The following CAMTA1 variants were observed in gnomAD, a reference collection of about 807,000 sequenced individuals.
The protein encoded by CAMTA1 is calmodulin-binding transcription activator 1.
Under a neutral mutation model 170.9 loss-of-function variants are expected in CAMTA1, and 27 were observed. The ratio of observed to expected loss-of-function variants is 0.16; its 90% CI spans 0.12 to 0.22. CAMTA1 has a LOEUF of 0.22. Among genes scored for constraint, CAMTA1 ranks in the 10% least tolerant of loss-of-function variants. The pLI is 1.00. For missense variants in CAMTA1, 1,619 were observed against 2,217.2 expected, an observed-to-expected ratio of 0.73 and a Z score of 5.42; for synonymous variants, 833 against 891.5, an observed-to-expected ratio of 0.93 and a Z score of 1.17.
chr1:7,085,953 C>T (rs1640684088), intron 3 of CAMTA1, among the ~76,000 whole-genome samples: 1 of 152,204 alleles, frequency 6.6e-6, no homozygotes, highest in Non-Finnish European at 1.5e-5. Flanking sequence ...CCAGGCCTCC[C>T]TTCCTGATGT....
intron 3 of CAMTA1, among the ~76,000 whole-genome samples, chr1:6,961,486 C>T (rs1690400867): frequency 6.6e-6 from 1 of 152,142 alleles, no homozygotes; most frequent in Non-Finnish European, 1.5e-5. Flanking sequence ...GACCACCATG[C>T]GTTCCTGCTG....
At chr1:7,137,234 G>T (rs9434852) in intron 4 of CAMTA1, among the ~76,000 whole-genome samples, 1 of 151,924 alleles carries the variant, frequency 6.6e-6, no homozygotes, top group Non-Finnish European at 1.5e-5. Context: ...CAACTTATTC[G>T]AAACCTTCAC....
At chr1:6,996,278 T>C (rs1164997156) in intron 3 of CAMTA1, among the ~76,000 whole-genome samples, 1 of 152,252 alleles carries the variant, frequency 6.6e-6, no homozygotes, top group Non-Finnish European at 1.5e-5. Context: ...CTGGACCTTG[T>C]GAATGATACG....
At chr1:7,147,101 T>C (rs1646242938) in intron 4 of CAMTA1, among the ~76,000 whole-genome samples, 1 of 151,798 alleles carries the variant, frequency 6.6e-6, no homozygotes, top group Non-Finnish European at 1.5e-5. Flanking sequence ...ATGTACAGCA[T>C]GCACACACAC....
chr1:7,438,367 AG>A (rs2092414064), intron 5 of CAMTA1, among the ~76,000 whole-genome samples: 1 of 152,152 alleles, frequency 6.6e-6, no homozygotes, highest in Non-Finnish European at 1.5e-5. Context: ...TCCTTTGAGA[AG>A]AAGCCAAAGT....
intron 6 of CAMTA1, among the ~76,000 whole-genome samples, chr1:7,636,086 A>G (rs1173491771): frequency 3.3e-5 from 5 of 152,080 alleles, no homozygotes; most frequent in African/African-American, 9.7e-5. Flanking sequence ...GGGCTGGGAC[A>G]CTCTGCTAAT....
intron 3 of CAMTA1, among the ~76,000 whole-genome samples, chr1:6,919,745 G>C (rs1013077163): frequency 3.9e-5 from 6 of 152,212 alleles, no homozygotes; most frequent in African/African-American, 1.4e-4. Context: ...AAGGCAAGGA[G>C]GAGCAAGTCA....
chr1:7,710,359 G>A (rs1341750), intron 11 of CAMTA1, among the ~76,000 whole-genome samples: 140,677 of 152,152 alleles, frequency 0.92, 65,139 homozygotes, highest in East Asian at 1. Flanking sequence ...GCATGTTGGG[G>A]GGTCGAGGCA....
rs562041966 is a variant in CAMTA1, at chr1:7,674,165, C to T, written c.2779+3128C>T. Reference sequence around the variant, plus strand: ...GCAACACAGTTGGCCAATGCCCACCCGTCTCCCAACACACCTGCCCAAGCA... The same window carrying T: ...GCAACACAGTTGGCCAATGCCCACCTGTCTCCCAACACACCTGCCCAAGCA... On this transcript the variant is annotated intron_variant, in intron 10 of 22. Transcript: ENST00000303635. The surrounding 1 kb of genome is among the most constrained non-coding windows in gnomAD (Gnocchi z 4.1). 5.4e-4 allele frequency among the ~76,000 whole-genome samples: 83 copies of T among 152,296 alleles called. No individual in the cohort carries two copies. In the Middle Eastern group the frequency reaches 0.01, roughly 19 times the overall value.
chr1:7,498,199 TG>T (rs2093866020), intron 6 of CAMTA1, among the ~76,000 whole-genome samples: 2 of 151,706 alleles, frequency 1.3e-5, no homozygotes, highest in African/African-American at 4.9e-5. Flanking sequence ...TGAGTGTGTG[TG>T]TGTGTGACAG....
rs1489318004 is a variant in CAMTA1, at chr1:7,249,379, A to C, written c.303-112A>C. The C allele has an allele frequency of 5.6e-6, 6 of 1,072,096 alleles. No homozygotes were observed. The highest frequency in any genetic ancestry group is 8.0e-6 in the Non-Finnish European group (6 of 746,454). 66.4% of individuals were successfully genotyped at this position (1,072,096 alleles called of 1,614,324 possible). A position where few individuals can be genotyped will look rare whatever the true frequency, so the allele number is the denominator to read the frequency against. On this transcript the variant is annotated intron_variant, in intron 4 of 22. Coordinates refer to ENST00000303635, the MANE Select transcript of CAMTA1 (RefSeq NM_015215.4). This position sits in a 1 kb window ranked among gnomAD's most constrained non-coding sequence, Gnocchi z 4.4. ...AAAAGGTGAAAAATTATGTTCCAGC[A>C]AATGTGGAATATTGCTTTTCTGTAG... is the stretch of plus-strand genomic sequence containing the variant.
intron 3 of CAMTA1, among the ~76,000 whole-genome samples, chr1:6,910,887 G>T (rs1571628867): frequency 6.6e-6 from 1 of 152,316 alleles, no homozygotes; most frequent in South Asian, 2.1e-4. Flanking sequence ...TCTGCTGGGG[G>T]TGCTTTGTTC....
At chr1:7,498,583 A>ATG (rs374167732) in intron 6 of CAMTA1, among the ~76,000 whole-genome samples, 3 of 151,950 alleles carry the variant, frequency 2.0e-5, no homozygotes, top group African/African-American at 7.3e-5. Context: ...ATGCATGTGC[A>ATG]TGTGTGTGTA....
chr1:6,835,607 G>A (rs548459673), intron 3 of CAMTA1, among the ~76,000 whole-genome samples: 1 of 152,142 alleles, frequency 6.6e-6, no homozygotes, highest in Non-Finnish European at 1.5e-5. Flanking sequence ...TCTAACAAGT[G>A]CCCAGGTGAA....
At chr1:7,692,746 TA>T (rs941798032) in intron 11 of CAMTA1, among the ~76,000 whole-genome samples, 2 of 152,112 alleles carry the variant, frequency 1.3e-5, no homozygotes, top group Non-Finnish European at 1.5e-5. Context: ...AACTGGGTCA[TA>T]AACTATATGG....
At chr1:6,871,228 C>T (rs1668319971) in intron 3 of CAMTA1, among the ~76,000 whole-genome samples, 1 of 152,064 alleles carries the variant, frequency 6.6e-6, no homozygotes, top group Non-Finnish European at 1.5e-5. Context: ...TTCCCCTGTG[C>T]AGTGAAAGTT....
chr1:7,546,843 CA>C (rs1398724241), intron 6 of CAMTA1, among the ~76,000 whole-genome samples: 4 of 152,182 alleles, frequency 2.6e-5, no homozygotes, highest in African/African-American at 9.7e-5. Context: ...CCATTTTACT[CA>C]TGACTGGTGA....
At chr1:7,258,085 A>T (rs529425872) in intron 5 of CAMTA1, among the ~76,000 whole-genome samples, 1 of 152,170 alleles carries the variant, frequency 6.6e-6, no homozygotes, top group African/African-American at 2.4e-5. Flanking sequence ...AAACGTGAGG[A>T]CTTCCAGATA....
In CAMTA1 at chr1:6,905,188, C is replaced by CTTTTT. The variant is rs34960802; in HGVS notation, c.234+79996_234+80000dup. On this transcript the variant is annotated intron_variant, in intron 3 of 22. Coordinates refer to ENST00000303635, the MANE Select transcript of CAMTA1 (RefSeq NM_015215.4). ...ATTCCTGGGTCTCCTTGCCTTGTTC[C>CTTTTT]TTTTTTTTTTTTTTTTTTTTTTGAG... 2.3e-4 allele frequency among the ~76,000 whole-genome samples: 25 copies of CTTTTT among 109,904 alleles called. 1 individual carries two copies. Among genetic ancestry groups the CTTTTT allele is most frequent in the East Asian group, 8.1e-4 (3 of 3,718 alleles). 72.1% of individuals were successfully genotyped at this position (109,904 alleles called of 152,430 possible).
Sources: gnomAD v4.1 joint callset for allele counts (sites outside exome capture counted in the v4.1 genomes callset) on GRCh38, gnomAD v4.1.1 for gene constraint, Gnocchi (gnomAD v3.1) non-coding constraint, MANE v1.5 for transcripts, NCBI Gene and HGNC (gene_info 2026-07-23, HGNC 2026-07-21) for gene names.